SEMA6D: variants seen among roughly 807,000 people sequenced by gnomAD.
SEMA6D encodes semaphorin-6D.
A neutral mutation model predicts 106.6 loss-of-function variants in SEMA6D; 35 were observed. The ratio of observed to expected loss-of-function variants is 0.33; its 90% confidence interval spans 0.25 to 0.44. The LOEUF (loss-of-function observed/expected upper bound fraction) is 0.44. Ranked by LOEUF, SEMA6D falls within the 20% of genes least tolerant of loss-of-function variation. SEMA6D has a pLI of 1.00. For missense variants in SEMA6D, 1,185 were observed against 1,345.9 expected (o/e 0.88, Z 1.87); for synonymous variants, 499 against 487.7 (o/e 1.02, Z -0.31).
intron 1 of SEMA6D, among the ~76,000 whole-genome samples, chr15:47,738,129 C>T (rs1235188652): frequency 6.6e-6 from 1 of 152,040 alleles, no homozygotes; most frequent in Non-Finnish European, 1.5e-5. Context: ...CCTCTTGGCC[C>T]ATCCTCTAAG....
At chr15:47,590,139 A>G (rs1349568647) in intron 3 of SEMA6D, among the ~76,000 whole-genome samples, 3 of 152,190 alleles carry the variant, frequency 2.0e-5, no homozygotes, top group Non-Finnish European at 4.4e-5. Flanking sequence ...CCAAATGTCC[A>G]TCAATGATAG....
At chr15:47,211,947 C>T (rs1394605141) in intron 1 of SEMA6D, among the ~76,000 whole-genome samples, 2 of 151,628 alleles carry the variant, frequency 1.3e-5, no homozygotes, top group Non-Finnish European at 2.9e-5. Flanking sequence ...TTTATTACTC[C>T]CTTAAATGTC....
chr15:47,766,778 A>G (rs1230351860), intron 16 of SEMA6D, 101 bp downstream of exon 16: 2 of 797,192 alleles, frequency 2.5e-6, no homozygotes, highest in Non-Finnish European at 4.1e-6. Flanking sequence ...CAGGACACAT[A>G]CCACCTAGCA....
In SEMA6D at chr15:47,502,244, G is replaced by A. The variant is rs563784329; in HGVS notation, c.-87+31699G>A. On this transcript the variant is annotated intron_variant, in intron 3 of 19. Coordinates refer to the SEMA6D transcript ENST00000558014. ...TTTTTGACAGAAGACAAATTAGATCGTCGCACTGCATGGTGATGGGACCCA... is the reference window on the plus strand; with the variant it reads ...TTTTTGACAGAAGACAAATTAGATCATCGCACTGCATGGTGATGGGACCCA... 4.6e-5 allele frequency among the ~76,000 whole-genome samples: 7 copies of A among 152,200 alleles called. No individual in the cohort carries two copies. In the South Asian group the frequency reaches 1.0e-3, roughly 23 times the overall value.
intron 1 of SEMA6D, among the ~76,000 whole-genome samples, chr15:47,382,195 T>A (rs556722272): frequency 6.6e-6 from 1 of 152,268 alleles, no homozygotes. Context: ...AACAATTACA[T>A]GATGAGTCAA....
At chr15:47,731,516 A>G (rs556533012) in intron 1 of SEMA6D, among the ~76,000 whole-genome samples, 2 of 152,312 alleles carry the variant, frequency 1.3e-5, no homozygotes, top group Non-Finnish European at 2.9e-5. Context: ...GGTAGCCCTC[A>G]TTGAGCATGG....
chr15:47,407,067 A>T (rs1376042567), intron 1 of SEMA6D, among the ~76,000 whole-genome samples: 1 of 152,210 alleles, frequency 6.6e-6, no homozygotes, highest in East Asian at 1.9e-4. Flanking sequence ...AAGTGAAAAT[A>T]GTGAATGTTG....
intron 2 of SEMA6D, among the ~76,000 whole-genome samples, chr15:47,422,171 C>CGCCT (rs1555436678): frequency 4.7e-4 from 59 of 124,242 alleles, no homozygotes; most frequent in East Asian, 1.9e-3. Context: ...TTTGCCCGCC[C>CGCCT]GCCTGCCTGC....
chr15:47,375,169 G>A (rs1228782937), intron 1 of SEMA6D, among the ~76,000 whole-genome samples: 1 of 152,176 alleles, frequency 6.6e-6, no homozygotes, highest in Non-Finnish European at 1.5e-5. Context: ...TGGTATAGAT[G>A]CTCTGAAAAC....
intron 1 of SEMA6D, among the ~76,000 whole-genome samples, chr15:47,348,331 A>G (rs1172498062): frequency 6.6e-6 from 1 of 152,180 alleles, no homozygotes; most frequent in African/African-American, 2.4e-5. Flanking sequence ...TAAAATGGAG[A>G]CATTAGTACT....
At chr15:47,373,230 C>T (rs2039338140) in intron 1 of SEMA6D, among the ~76,000 whole-genome samples, 2 of 152,060 alleles carry the variant, frequency 1.3e-5, no homozygotes, top group Admixed American at 1.3e-4. Flanking sequence ...TTGATATGGC[C>T]CCCCACTTGT....
At chr15:47,536,584 A>G (rs951648559) in intron 3 of SEMA6D, among the ~76,000 whole-genome samples, 21 of 152,222 alleles carry the variant, frequency 1.4e-4, no homozygotes, top group African/African-American at 5.1e-4. Context: ...CAGTAATGAT[A>G]TCCATGTCTT....
intron 1 of SEMA6D, among the ~76,000 whole-genome samples, chr15:47,343,460 T>C (rs973171608): frequency 6.7e-6 from 1 of 148,392 alleles, no homozygotes; most frequent in Non-Finnish European, 1.5e-5. Context: ...CCTGTGTCCA[T>C]GTGTTCTCAT....
At chr15:47,449,365 G>GGT (rs2042120455) in intron 2 of SEMA6D, among the ~76,000 whole-genome samples, 2 of 152,030 alleles carry the variant, frequency 1.3e-5, no homozygotes, top group African/African-American at 4.8e-5. Flanking sequence ...ACAATGTTAG[G>GGT]GTGTGTGTGC....
chr15:47,692,372 A>G (rs992603435), intron 4 of SEMA6D, among the ~76,000 whole-genome samples: 5 of 152,056 alleles, frequency 3.3e-5, no homozygotes, highest in African/African-American at 1.2e-4. Flanking sequence ...ATGTGCACCC[A>G]CTTACTTTCT....
At chr15:47,444,886 G>A (rs2041983463) in intron 2 of SEMA6D, among the ~76,000 whole-genome samples, 1 of 152,064 alleles carries the variant, frequency 6.6e-6, no homozygotes, top group African/African-American at 2.4e-5. Flanking sequence ...TTGGTACCCA[G>A]GTCCTTGTCC....
intron 1 of SEMA6D, among the ~76,000 whole-genome samples, chr15:47,363,592 G>A (rs2038896228): frequency 1.3e-5 from 2 of 152,142 alleles, no homozygotes; most frequent in Admixed American, 1.3e-4. Context: ...TAGAATATTT[G>A]TAAAAAGAAA....
chr15:47,388,996 T>A (rs2039938242), intron 1 of SEMA6D, among the ~76,000 whole-genome samples: 2 of 150,972 alleles, frequency 1.3e-5, no homozygotes, highest in Non-Finnish European at 2.9e-5. Flanking sequence ...AGCATAAGGA[T>A]TATTTGGTGC....
At chr15:47,450,515 C>G (rs931354762) in intron 2 of SEMA6D, among the ~76,000 whole-genome samples, 3 of 152,084 alleles carry the variant, frequency 2.0e-5, no homozygotes, top group African/African-American at 7.2e-5. Context: ...GGTGGGCTTT[C>G]TTCTCAGAAA....
Sources: allele counts gnomAD v4.1 joint callset (sites outside exome capture counted in the v4.1 genomes callset), GRCh38; gene constraint gnomAD v4.1.1; transcripts MANE v1.5; gene names NCBI Gene and HGNC (gene_info 2026-07-23, HGNC 2026-07-21).